The following MAPK10 variants were observed in gnomAD, a reference collection of about 807,000 sequenced individuals.
The protein encoded by MAPK10 is mitogen-activated protein kinase 10.
In MAPK10, 25 loss-of-function variants were observed where a neutral mutation model predicts 59.3. The observed-to-expected ratio is 0.42, with a 90% CI of 0.31 to 0.59. The LOEUF (loss-of-function observed/expected upper bound fraction) is 0.59. Ranked by LOEUF, MAPK10 falls within the 20% of genes least tolerant of loss-of-function variation. The pLI, the probability that MAPK10 is intolerant of heterozygous loss-of-function variation, is 0.15. For synonymous variants in MAPK10, 190 were observed against 200.5 expected (o/e 0.95, Z 0.44); for missense variants, 351 against 568.9 (o/e 0.62, Z 3.90).
intron 1 of MAPK10, among the ~76,000 whole-genome samples, chr4:86,373,340 T>C (rs1739200684): frequency 6.6e-6 from 1 of 152,134 alleles, no homozygotes. Flanking sequence ...ATTCAGGACA[T>C]AGGCATGGAC....
At position 86,138,927 on chromosome 4, in the gene MAPK10, T is replaced by G. The variant is rs1581090771; in HGVS notation, c.236+20371A>C. ...AGCCAAATAATGAGTGAACTCCCATTCACAATTGCTTCAAAGAGAATAAAA... is the reference window on the plus strand; with the variant it reads ...AGCCAAATAATGAGTGAACTCCCATGCACAATTGCTTCAAAGAGAATAAAA... On this transcript the variant is annotated intron_variant, in intron 4 of 13. Coordinates refer to ENST00000641462, the MANE Select transcript of MAPK10 (RefSeq NM_138982.4). 2.6e-5 allele frequency among the ~76,000 whole-genome samples: 4 copies of G among 151,126 alleles called. No homozygotes were observed. The Admixed American group carries it at 2.7e-4, about 10-fold the overall frequency.
chr4:86,513,259 G>A (rs1333587090), intron 1 of MAPK10, among the ~76,000 whole-genome samples: 1 of 151,952 alleles, frequency 6.6e-6, no homozygotes, highest in East Asian at 1.9e-4. Flanking sequence ...TATTGCCCAG[G>A]CTGGTCTTGA....
chr4:86,346,884 A>G (rs924897610), intron 2 of MAPK10, among the ~76,000 whole-genome samples: 4 of 152,080 alleles, frequency 2.6e-5, no homozygotes, highest in Non-Finnish European at 5.9e-5. Flanking sequence ...ACAATATTAT[A>G]TATGTACTCA....
chr4:86,425,079 T>A (rs1157325012), intron 1 of MAPK10, among the ~76,000 whole-genome samples: 2 of 151,552 alleles, frequency 1.3e-5, no homozygotes, highest in East Asian at 3.9e-4. Context: ...GATAGAGGAG[T>A]GACAGAGGCA....
chr4:86,555,491 C>T (rs894036520), intron 1 of MAPK10, among the ~76,000 whole-genome samples: 1 of 152,050 alleles, frequency 6.6e-6, no homozygotes, highest in African/African-American at 2.4e-5. Flanking sequence ...ATTTGGGGTG[C>T]CTAGCAGAAT....
intron 2 of MAPK10, among the ~76,000 whole-genome samples, chr4:86,273,023 C>T (rs900009822): frequency 6.6e-6 from 1 of 152,030 alleles, no homozygotes; most frequent in African/African-American, 2.4e-5. Context: ...TACCACAATG[C>T]TGTTTTGCAG....
At chr4:86,553,420 G>T (rs1441538551) in intron 1 of MAPK10, among the ~76,000 whole-genome samples, 1 of 152,130 alleles carries the variant, frequency 6.6e-6, no homozygotes, top group Non-Finnish European at 1.5e-5. Flanking sequence ...AATTAGTTTT[G>T]GTTGTACCAT....
intron 1 of MAPK10, among the ~76,000 whole-genome samples, chr4:86,509,320 G>A (rs1202196138): frequency 3.3e-5 from 5 of 151,988 alleles, no homozygotes; most frequent in African/African-American, 1.2e-4. Flanking sequence ...ATTCTATACG[G>A]ACATAAAGAG....
In MAPK10 at chr4:86,015,563, T is replaced by C. The variant is rs1275497901; in HGVS notation, c.*1665A>G. On this transcript the variant is annotated 3_prime_UTR_variant, in exon 14 of 14. Coordinates refer to ENST00000641462, the MANE Select transcript of MAPK10 (RefSeq NM_138982.4). ...ATTATTGCTGAGATCACCTTGGTAT[T>C]GCCTTGTACATAACCAAGATGTTTC... 6.6e-6 allele frequency: 1 copy of C among 152,226 alleles called. No individual in the cohort carries two copies. Among genetic ancestry groups the C allele is most frequent in the African/African-American group, 2.4e-5 (1 of 41,464 alleles). 9.4% of individuals were successfully genotyped at this position (152,226 alleles called of 1,614,324 possible).
intron 2 of MAPK10, among the ~76,000 whole-genome samples, chr4:86,248,994 AC>A (rs1462094387): frequency 1.3e-5 from 2 of 152,254 alleles, no homozygotes; most frequent in Non-Finnish European, 2.9e-5. Flanking sequence ...ATAATTTAGC[AC>A]AGGAAAATAT....
At chr4:86,320,904 C>T (rs62307367) in intron 2 of MAPK10, among the ~76,000 whole-genome samples, 42,249 of 151,892 alleles carry the variant, frequency 0.28, 6,567 homozygotes, top group Non-Finnish European at 0.35. Context: ...AACAAACAAC[C>T]CCATCAAAAA....
chr4:86,171,914 G>C (rs2074296569), intron 3 of MAPK10, among the ~76,000 whole-genome samples: 1 of 150,694 alleles, frequency 6.6e-6, no homozygotes, highest in South Asian at 2.1e-4. Flanking sequence ...GTGGGCGAAG[G>C]ATATGAACAG....
intron 4 of MAPK10, among the ~76,000 whole-genome samples, chr4:86,131,159 C>A (rs1041837956): frequency 5.3e-5 from 8 of 152,048 alleles, no homozygotes; most frequent in African/African-American, 1.9e-4. Context: ...AGTATCAAAT[C>A]AAATGTTTCA....
intron 1 of MAPK10, among the ~76,000 whole-genome samples, chr4:86,426,092 G>A (rs190645407): frequency 2.0e-5 from 3 of 152,106 alleles, no homozygotes; most frequent in Admixed American, 1.3e-4. Flanking sequence ...TTGGCCTCTC[G>A]CTGTTTCATC....
At chr4:86,141,031 A>G (rs1365841816) in intron 4 of MAPK10, among the ~76,000 whole-genome samples, 1 of 152,244 alleles carries the variant, frequency 6.6e-6, no homozygotes, top group Non-Finnish European at 1.5e-5. Flanking sequence ...CATTGAACCA[A>G]TACCCAATAC....
intron 1 of MAPK10, among the ~76,000 whole-genome samples, chr4:86,463,428 T>C (rs1162771555): frequency 6.6e-6 from 1 of 152,228 alleles, no homozygotes; most frequent in East Asian, 1.9e-4. Flanking sequence ...CAATTGAACC[T>C]ACTCGTAAAA....
rs1001372930 is a variant in MAPK10 at position 86,259,091 on chromosome 4, A to T, written c.-6-64684T>A. Among the ~76,000 whole-genome samples the T allele has an allele frequency of 6.6e-5, 10 of 151,938 alleles. No homozygotes were observed. The East Asian group carries it at 1.9e-3, about 29-fold the overall frequency. On this transcript the variant is annotated intron_variant, in intron 2 of 13. Coordinates refer to ENST00000641462, the MANE Select transcript of MAPK10 (RefSeq NM_138982.4). ...ACAGTCTCTCTGGGCTTTTCTCCTG[A>T]CTCTTGAGTTTTTCTTTCTCAGTCT... is the stretch of plus-strand genomic sequence containing the variant.
At chr4:86,356,494 T>C (rs1158954565) in intron 1 of MAPK10, 1 of 920,442 alleles carries the variant, frequency 1.1e-6, no homozygotes, top group East Asian at 1.2e-4. Context: ...TCTACCAAGA[T>C]TCACAATAAG....
At chr4:86,042,942 G>A (rs182253492) in intron 11 of MAPK10, among the ~76,000 whole-genome samples, 2 of 152,168 alleles carry the variant, frequency 1.3e-5, no homozygotes, top group Admixed American at 6.5e-5. Context: ...AAGACTCCAA[G>A]GTATCTCATT....
Sources: gnomAD v4.1 joint callset for allele counts (sites outside exome capture counted in the v4.1 genomes callset) on GRCh38, gnomAD v4.1.1 for gene constraint, MANE v1.5 for transcripts, NCBI Gene and HGNC (gene_info 2026-07-23, HGNC 2026-07-21) for gene names.